Variants in FANCC observed in about 807,000 individuals in gnomAD.
The protein encoded by FANCC is FA complementation group C, also known as Fanconi anemia group C protein.
Under a neutral mutation model 71.3 loss-of-function variants are expected in FANCC, and 55 were observed. The observed-to-expected ratio is 0.77, with a 90% CI of 0.62 to 0.97. FANCC has a LOEUF of 0.97. Among genes scored for constraint, FANCC ranks in the 50% least tolerant of loss-of-function variants. The pLI is 0.00. For missense variants in FANCC, 678 were observed against 670.9 expected (o/e 1.01, Z -0.12); for synonymous variants, 275 against 244.9 (o/e 1.12, Z -1.15).
chr9:95,104,215 G>T (rs970013370), intron 14 of FANCC, among the ~76,000 whole-genome samples: 1 of 152,216 alleles, frequency 6.6e-6, no homozygotes, highest in Non-Finnish European at 1.5e-5. Context: ...CGCAGCGAAG[G>T]CTTCTCATTA....
chr9:95,133,804 G>A (rs943782688), intron 8 of FANCC, among the ~76,000 whole-genome samples: 9 of 152,202 alleles, frequency 5.9e-5, no homozygotes, highest in South Asian at 2.1e-4. Context: ...ATGTAAGTTA[G>A]TAATAGATTT....
intron 3 of FANCC, among the ~76,000 whole-genome samples, chr9:95,244,660 C>G (rs928210869): frequency 1.0e-5 from 1 of 96,592 alleles, no homozygotes; most frequent in Non-Finnish European, 1.8e-5. Flanking sequence ...GCCTAGGCAA[C>G]AGAGCAAGAC....
intron 4 of FANCC, among the ~76,000 whole-genome samples, chr9:95,178,163 C>A (rs886319238): frequency 2.0e-5 from 3 of 152,116 alleles, no homozygotes; most frequent in Non-Finnish European, 4.4e-5. Flanking sequence ...GCTCTAGTCT[C>A]TTCTGTAGTG....
chr9:95,125,327 C>T (rs1369653473), intron 9 of FANCC, 142 bp from the exon 10 acceptor site: 13 of 717,968 alleles, frequency 1.8e-5, no homozygotes, highest in Non-Finnish European at 3.0e-5. Context: ...GATTTCAGTC[C>T]TTGTGTGAAA....
At position 95,101,697 on chromosome 9, in the gene FANCC, T is replaced by G. The variant is rs1015228314; in HGVS notation, c.*10A>C. On this transcript the variant is annotated 3_prime_UTR_variant, in exon 15 of 15. Coordinates refer to ENST00000289081, the MANE Select transcript of FANCC (RefSeq NM_000136.3). ...CCTCACGCCGGGCACCCACACGGCC[T>G]GCGTGCCTTCTAGACTTGAGTTCGC... 6.2e-7 allele frequency: 1 copy of G among 1,613,592 alleles called. No individual in the cohort carries two copies. Among genetic ancestry groups the G allele is most frequent in the Non-Finnish European group, 8.5e-7 (1 of 1,179,932 alleles).
At chr9:95,135,320 T>C in intron 8 of FANCC, 26 bp downstream of exon 8, 1 of 1,610,870 alleles carries the variant, frequency 6.2e-7, no homozygotes, top group Non-Finnish European at 8.5e-7. Context: ...CAAGGATTTT[T>C]CCCTTCATCA....
chr9:95,125,553 C>T (rs1380395721), intron 9 of FANCC, among the ~76,000 whole-genome samples: 2 of 152,174 alleles, frequency 1.3e-5, no homozygotes, highest in Admixed American at 6.5e-5. Flanking sequence ...AAAATGGCCT[C>T]GTCCATCCAC....
chr9:95,133,885 T>A (rs1000584683), intron 8 of FANCC, among the ~76,000 whole-genome samples: 4 of 152,210 alleles, frequency 2.6e-5, no homozygotes, highest in Non-Finnish European at 4.4e-5. Context: ...CTGAAAGTCA[T>A]GATTTATTTT....
intron 1 of FANCC, among the ~76,000 whole-genome samples, chr9:95,303,454 T>G (rs1464344924): frequency 6.6e-6 from 1 of 152,236 alleles, no homozygotes; most frequent in Admixed American, 6.5e-5. Flanking sequence ...AGGTCCTAGC[T>G]TGACCTCAAC....
chr9:95,132,006 A>G (rs1294401333), intron 8 of FANCC, among the ~76,000 whole-genome samples: 1 of 152,216 alleles, frequency 6.6e-6, no homozygotes, highest in Non-Finnish European at 1.5e-5. Context: ...TTAAGCCATA[A>G]AGATTTTTAG....
At chr9:95,168,187 G>A (rs1825430336) in intron 6 of FANCC, among the ~76,000 whole-genome samples, 2 of 152,076 alleles carry the variant, frequency 1.3e-5, no homozygotes, top group African/African-American at 2.4e-5. Flanking sequence ...TCCAAACTAC[G>A]CCATTTCTCT....
At position 95,198,904 on chromosome 9, in the gene FANCC, A is replaced by G. The variant is rs796111856; in HGVS notation, c.346-26757T>C. 2.6e-5 allele frequency among the ~76,000 whole-genome samples: 4 copies of G among 151,842 alleles called. No individual in the cohort carries two copies. The East Asian group carries it at 7.7e-4, about 29-fold the overall frequency. On this transcript the variant is annotated intron_variant, in intron 4 of 14. Coordinates refer to ENST00000289081, the MANE Select transcript of FANCC (RefSeq NM_000136.3). ...AGGTGTGCGCCAGCATACCTGGCTA[A>G]CTTTTAAACTTTTTTTGTAGAGCCA...
chr9:95,145,290 T>C (rs995997308), intron 7 of FANCC: 6 of 152,152 alleles, frequency 3.9e-5, no homozygotes, highest in African/African-American at 1.4e-4. Flanking sequence ...GTGAAAACAT[T>C]GAAAACACAA....
chr9:95,145,470 T>C (rs944081171), intron 7 of FANCC: 2 of 152,308 alleles, frequency 1.3e-5, no homozygotes, highest in Non-Finnish European at 2.9e-5. Flanking sequence ...CGATAATCTA[T>C]ATACTTACAG....
chr9:95,291,967 A>AAAAAAATAT (rs1441757988), intron 1 of FANCC, among the ~76,000 whole-genome samples: 12 of 50,412 alleles, frequency 2.4e-4, no homozygotes, highest in Non-Finnish European at 2.7e-4. Flanking sequence ...AAAAAAAAAA[A>AAAAAAATAT]ATATATATAT....
At position 95,220,760 on chromosome 9, in the gene FANCC, C is replaced by T. The variant is rs76245219; in HGVS notation, c.345+19889G>A. Among the ~76,000 whole-genome samples the T allele has an allele frequency of 3.0e-3, 456 of 152,090 alleles. 3 individuals carry two copies. The highest frequency in any genetic ancestry group is 0.011 in the African/African-American group (436 of 41,460). ...GGAGGGATAGCATTAGGAGAAATAC[C>T]TAATGTAAATGACGAGTTAATGGGT... On this transcript the variant is annotated intron_variant, in intron 4 of 14. Coordinates refer to ENST00000289081, the MANE Select transcript of FANCC (RefSeq NM_000136.3).
chr9:95,119,722 T>C (rs909969872), intron 10 of FANCC, among the ~76,000 whole-genome samples: 1 of 152,000 alleles, frequency 6.6e-6, no homozygotes, highest in Non-Finnish European at 1.5e-5. Context: ...ATTCCTTTCT[T>C]ATTTTTTGAG....
At chr9:95,214,119 T>C (rs1828695663) in intron 4 of FANCC, among the ~76,000 whole-genome samples, 2 of 152,098 alleles carry the variant, frequency 1.3e-5, no homozygotes, top group Admixed American at 6.6e-5. Context: ...CCCATTAAGA[T>C]AGCTACTATG....
chr9:95,131,671 A>G (rs2135094151), intron 8 of FANCC, among the ~76,000 whole-genome samples: 1 of 152,342 alleles, frequency 6.6e-6, no homozygotes, highest in Non-Finnish European at 1.5e-5. Context: ...CATGCACCAC[A>G]TTAAAGAGCT....
Sources: gnomAD v4.1 joint callset for allele counts (sites outside exome capture counted in the v4.1 genomes callset) on GRCh38, gnomAD v4.1.1 for gene constraint, MANE v1.5 for transcripts, NCBI Gene and HGNC (gene_info 2026-07-23, HGNC 2026-07-21) for gene names.